TIA1: variants seen among roughly 807,000 people sequenced by gnomAD.
The protein encoded by TIA1 is TIA1 cytotoxic granule associated RNA binding protein.
TIA1 carries 23 observed loss-of-function variants against 65.9 expected under a neutral mutation model. The ratio of observed to expected loss-of-function variants is 0.35; its 90% CI spans 0.25 to 0.49. The LOEUF is 0.49. Among genes scored for constraint, TIA1 ranks in the 20% least tolerant of loss-of-function variants. The pLI is 0.98. For missense variants in TIA1, 371 were observed against 477.9 expected (o/e 0.78, Z 2.09); for synonymous variants, 147 against 149.4 (o/e 0.98, Z 0.12).
chr2:70,248,305 G>T, intron 1 of TIA1, 100 bp downstream of exon 1: 1 of 1,354,328 alleles, frequency 7.4e-7, no homozygotes, highest in Middle Eastern at 2.3e-4. Context: ...ACGATATCGC[G>T]GTGTCCACGG....
intron 7 of TIA1, among the ~76,000 whole-genome samples, chr2:70,222,245 G>A: frequency 6.6e-6 from 1 of 152,170 alleles, no homozygotes; most frequent in Non-Finnish European, 1.5e-5. Context: ...GCCTTTGACA[G>A]GAAGGACCTT....
intron 1 of TIA1, among the ~76,000 whole-genome samples, chr2:70,244,690 C>T (rs1411030483): frequency 6.6e-6 from 1 of 151,724 alleles, no homozygotes; most frequent in African/African-American, 2.4e-5. Flanking sequence ...AAAAAATTAG[C>T]CAGGCGTGGT....
intron 1 of TIA1, among the ~76,000 whole-genome samples, chr2:70,237,171 G>C (rs1347176199): frequency 1.3e-5 from 2 of 152,156 alleles, no homozygotes; most frequent in Admixed American, 6.5e-5. Context: ...GGGAAGCCAA[G>C]GTGGGAAGAT....
chr2:70,243,750 T>C (rs2104748374), intron 1 of TIA1, among the ~76,000 whole-genome samples: 1 of 152,354 alleles, frequency 6.6e-6, no homozygotes, highest in South Asian at 2.1e-4. Context: ...AATCCATTTA[T>C]TGTTGACATC....
intron 6 of TIA1, among the ~76,000 whole-genome samples, chr2:70,225,731 A>G (rs1683490392): frequency 6.6e-6 from 1 of 152,240 alleles, no homozygotes; most frequent in Non-Finnish European, 1.5e-5. Flanking sequence ...GTCAATGTTC[A>G]ATATGCAAAA....
At chr2:70,246,931 AAAGTT>A (rs1334705778) in intron 1 of TIA1, among the ~76,000 whole-genome samples, 2 of 152,158 alleles carry the variant, frequency 1.3e-5, no homozygotes, top group African/African-American at 2.4e-5. Flanking sequence ...AAAAAGTTAA[AAAGTT>A]AAGTGGTCAG....
chr2:70,217,013 G>C lies in TIA1; in HGVS notation c.475-19C>G, dbSNP rs773702966. On this transcript the variant is annotated intron_variant, in intron 7 of 12. Coordinates refer to ENST00000433529, the MANE Select transcript of TIA1 (RefSeq NM_022173.4). ...CAGCATCCTGTTCCGTACAACATTA[G>C]AAACAATAAAGAAGTCACTATTAGT... is the stretch of plus-strand genomic sequence containing the variant. 6.3e-7 allele frequency: 1 copy of C among 1,595,516 alleles called. No homozygotes were observed. The highest frequency in any genetic ancestry group is 8.5e-7 in the Non-Finnish European group (1 of 1,172,738).
chr2:70,217,053 T>A, intron 7 of TIA1, 59 bp from the exon 8 acceptor site: 1 of 1,496,034 alleles, frequency 6.7e-7, no homozygotes, highest in Non-Finnish European at 8.9e-7. Context: ...GTTAAACAAC[T>A]CTTAGCAGTA....
At chr2:70,228,959 CTCCCGCCCCCCTCCCCCAAATATCA>C in intron 5 of TIA1, 75 bp downstream of exon 5, 2 of 335,334 alleles carry the variant, frequency 6.0e-6, no homozygotes, top group Non-Finnish European at 4.6e-6. Context: ...ATAATATCTC[CTCCCGCCCCCCTCCCCCAAATATCA>C]AACAAAAAAA....
intron 1 of TIA1, 145 bp downstream of exon 1, chr2:70,248,260 T>C: frequency 1.1e-6 from 1 of 895,652 alleles, no homozygotes; most frequent in Non-Finnish European, 1.6e-6. Flanking sequence ...GTCTTGGTTG[T>C]AAGCATCCAG....
chr2:70,216,213 A>G lies in TIA1; in HGVS notation c.759T>C (p.Phe253=). Residue 253 remains phenylalanine (F), a synonymous_variant, in exon 10 of 13, where the codon TTT becomes TTC. Coordinates refer to ENST00000433529, the MANE Select transcript of TIA1 (RefSeq NM_022173.4). ...IRVFPDKGYS[F]VRFNSHESAA... ...TTTTAAAAAACCATCCCTACCGAAC[A>G]AATGAATATCCTTTATCTGGAAAGA... The G allele has an allele frequency of 6.3e-7, 1 of 1,576,528 alleles. No homozygotes were observed. Among genetic ancestry groups the G allele is most frequent in the Non-Finnish European group, 8.6e-7 (1 of 1,168,650 alleles).
chr2:70,236,599 G>A (rs1278713864), intron 1 of TIA1, among the ~76,000 whole-genome samples: 1 of 151,608 alleles, frequency 6.6e-6, no homozygotes, highest in Non-Finnish European at 1.5e-5. Flanking sequence ...TAACGGACTA[G>A]AGGAACCACC....
chr2:70,232,233 G>GA (rs1686741623), intron 2 of TIA1, among the ~76,000 whole-genome samples: 1 of 128,242 alleles, frequency 7.8e-6, no homozygotes, highest in Admixed American at 7.9e-5. Flanking sequence ...AAAGAAAAAA[G>GA]AAAAAAGAAA....
intron 6 of TIA1, among the ~76,000 whole-genome samples, chr2:70,227,441 C>T (rs1684306490): frequency 6.6e-6 from 1 of 152,050 alleles, no homozygotes; most frequent in South Asian, 2.1e-4. Context: ...AAGATTGTCA[C>T]CAAGCTAGCT....
chr2:70,222,507 TG>T (rs1202324223), intron 7 of TIA1, among the ~76,000 whole-genome samples: 1 of 152,178 alleles, frequency 6.6e-6, no homozygotes, highest in Non-Finnish European at 1.5e-5. Context: ...GAAGAGAGGC[TG>T]GGGGTAATTG....
rs952729927 is a variant in TIA1, at chr2:70,215,520, C to T, written c.765-26G>A. ...CTATTGAAAACAATATTAAGAATCA[C>T]CAATACAAATTCTTTTAAATATTTA... On this transcript the variant is annotated intron_variant, in intron 10 of 12. Transcript: ENST00000433529. The T allele has an allele frequency of 8.2e-6, 13 of 1,580,584 alleles. No homozygotes were observed. The Admixed American group carries it at 1.6e-4, about 20-fold the overall frequency.
At chr2:70,235,152 A>C (rs1688230050) in intron 2 of TIA1, among the ~76,000 whole-genome samples, 1 of 152,192 alleles carries the variant, frequency 6.6e-6, no homozygotes, top group Admixed American at 6.5e-5. Context: ...ACAGTGGCTC[A>C]TACCTGTAAT....
rs113806786 is a variant in TIA1 at position 70,213,349 on chromosome 2, T to TC, written c.1035-505_1035-504insG. Among the ~76,000 whole-genome samples, 215 of 151,320 alleles carry TC rather than the reference T, an allele frequency of 1.4e-3. 1 individual carries two copies. Among genetic ancestry groups the TC allele is most frequent in the African/African-American group, 2.9e-3 (120 of 41,272 alleles). On this transcript the variant is annotated intron_variant, in intron 12 of 12. Transcript: ENST00000433529. Reference sequence around the variant, plus strand: ...TACAAGATTTTCTTTTCTTTTCTTTTTTTTTTTTTTTTAAGACAGGTTTTC... The same window carrying TC: ...TACAAGATTTTCTTTTCTTTTCTTTTCTTTTTTTTTTTTAAGACAGGTTTTC...
intron 3 of TIA1, among the ~76,000 whole-genome samples, chr2:70,230,167 C>A (rs531541200): frequency 6.7e-6 from 1 of 149,672 alleles, no homozygotes; most frequent in East Asian, 2.0e-4. Context: ...GGCATGAACC[C>A]GGAAGGCAGA....
Sources: allele counts gnomAD v4.1 joint callset (sites outside exome capture counted in the v4.1 genomes callset), GRCh38; gene constraint gnomAD v4.1.1; transcripts MANE v1.5; gene names NCBI Gene and HGNC (gene_info 2026-07-23, HGNC 2026-07-21).